Variants in BCKDHB observed in about 807,000 individuals in gnomAD.
BCKDHB encodes the protein branched chain keto acid dehydrogenase E1 subunit beta.
In BCKDHB, 41 loss-of-function variants were observed where a neutral mutation model predicts 48.5. The observed-to-expected ratio is 0.85, with a 90% CI of 0.66 to 1.10. The LOEUF (loss-of-function observed/expected upper bound fraction) is 1.10, where lower values mean the gene tolerates loss of function less well. Ranked by LOEUF, BCKDHB falls within the 50% of genes least tolerant of loss-of-function variation. BCKDHB has a pLI of 0.00. For missense variants in BCKDHB, 496 were observed against 494.2 expected, an observed-to-expected ratio of 1.00 and a Z score of -0.03; for synonymous variants, 201 against 174.8, an observed-to-expected ratio of 1.15 and a Z score of -1.18.
the BCKDHB span, chr6:80,356,073 A>G: frequency 6.6e-6 from 1 of 152,178 alleles, no homozygotes; most frequent in Non-Finnish European, 1.5e-5. Flanking sequence ...GAATTAACTG[A>G]CCGATTGTTG....
chr6:80,411,993 A>G, the BCKDHB span, among the ~76,000 whole-genome samples: 31 of 152,314 alleles, frequency 2.0e-4, no homozygotes, highest in African/African-American at 7.5e-4. Flanking sequence ...AGTGAGATGA[A>G]CAAGGTACCT....
rs565076909 is a variant in BCKDHB at position 80,275,309 on chromosome 6, C to T, written c.1038+2088C>T. Among the ~76,000 whole-genome samples the T allele has an allele frequency of 3.3e-4, 50 of 152,168 alleles. 1 individual carries two copies. The highest frequency in any genetic ancestry group is 1.1e-3 in the African/African-American group (46 of 41,568). On this transcript the variant is annotated intron_variant, in intron 9 of 9. Coordinates refer to ENST00000320393, the MANE Select transcript of BCKDHB (RefSeq NM_183050.4). Reference sequence around the variant, plus strand: ...TAAATGTAAAGTGTGTGCACATGCACTCTTAATTCAAAATCCCCTGCCTTC... The same window carrying T: ...TAAATGTAAAGTGTGTGCACATGCATTCTTAATTCAAAATCCCCTGCCTTC...
downstream of BCKDHB, among the ~76,000 whole-genome samples, chr6:80,349,845 C>T (rs1770345417): frequency 6.6e-6 from 1 of 152,022 alleles, no homozygotes. Context: ...TATCACTTTA[C>T]TTGCAATTTG....
the BCKDHB span, among the ~76,000 whole-genome samples, chr6:80,407,726 G>T: frequency 6.6e-6 from 1 of 152,304 alleles, no homozygotes; most frequent in East Asian, 1.9e-4. Flanking sequence ...CTTTGCTGAA[G>T]TTGCTTATCA....
intron 8 of BCKDHB, among the ~76,000 whole-genome samples, chr6:80,206,647 A>G (rs1774678549): frequency 6.6e-6 from 1 of 151,972 alleles, no homozygotes; most frequent in Non-Finnish European, 1.5e-5. Flanking sequence ...CTCAATGAAT[A>G]GGCTTATAAC....
chr6:80,257,230 C>G (rs1177245880), intron 8 of BCKDHB, among the ~76,000 whole-genome samples: 1 of 151,992 alleles, frequency 6.6e-6, no homozygotes, highest in African/African-American at 2.4e-5. Context: ...TGGGCTGATT[C>G]ACCACTTTTG....
chr6:80,300,102 A>T (rs1767502568), intron 9 of BCKDHB, among the ~76,000 whole-genome samples: 1 of 151,430 alleles, frequency 6.6e-6, no homozygotes, highest in Non-Finnish European at 1.5e-5. Flanking sequence ...CCCAGACTGG[A>T]GCGTAGCGCT....
At chr6:80,264,411 AT>A (rs1777429712) in intron 8 of BCKDHB, among the ~76,000 whole-genome samples, 2 of 152,154 alleles carry the variant, frequency 1.3e-5, no homozygotes. Flanking sequence ...CTTATTTGGC[AT>A]TATTTATCTC....
At chr6:80,230,796 A>G (rs530392544) in intron 8 of BCKDHB, among the ~76,000 whole-genome samples, 1 of 152,308 alleles carries the variant, frequency 6.6e-6, no homozygotes, top group Admixed American at 6.5e-5. Context: ...GAAGGGGGCC[A>G]AATTCCTCCT....
the BCKDHB span, among the ~76,000 whole-genome samples, chr6:80,405,490 A>G: frequency 1.3e-5 from 2 of 152,116 alleles, no homozygotes; most frequent in Non-Finnish European, 2.9e-5. Flanking sequence ...TTCGGTCGCT[A>G]TGCCTTTTGA....
At chr6:80,215,266 G>A (rs903290520) in intron 8 of BCKDHB, among the ~76,000 whole-genome samples, 2 of 152,180 alleles carry the variant, frequency 1.3e-5, no homozygotes, top group African/African-American at 4.8e-5. Flanking sequence ...AAAACAGGAT[G>A]GCTGACAATT....
intron 1 of BCKDHB, among the ~76,000 whole-genome samples, chr6:80,126,024 C>A (rs959060044): frequency 7.2e-5 from 11 of 152,088 alleles, no homozygotes; most frequent in African/African-American, 2.4e-4. Context: ...AGTGTTATAG[C>A]CCTAGCCTGA....
intron 6 of BCKDHB, among the ~76,000 whole-genome samples, chr6:80,178,845 A>G (rs1773285453): frequency 6.6e-6 from 1 of 152,200 alleles, no homozygotes; most frequent in African/African-American, 2.4e-5. Flanking sequence ...TTTAAGTTTT[A>G]AACCAAGACA....
intron 9 of BCKDHB, among the ~76,000 whole-genome samples, chr6:80,283,914 A>G (rs1582501256): frequency 6.6e-6 from 1 of 152,124 alleles, no homozygotes; most frequent in East Asian, 1.9e-4. Flanking sequence ...GCCACCTTGT[A>G]CAACATTTTA....
chr6:80,421,803 C>T, the BCKDHB span, among the ~76,000 whole-genome samples: 572 of 152,124 alleles, frequency 3.8e-3, 7 homozygotes, highest in African/African-American at 0.012. Context: ...TGGCTGATTC[C>T]AAAAGTGTTT....
chr6:80,308,150 T>C (rs868193973), intron 9 of BCKDHB, among the ~76,000 whole-genome samples: 9 of 152,110 alleles, frequency 5.9e-5, no homozygotes, highest in African/African-American at 2.2e-4. Context: ...CTATTTTTTT[T>C]CATTTCCCCC....
the BCKDHB span, among the ~76,000 whole-genome samples, chr6:80,461,989 A>C: frequency 6.6e-6 from 1 of 151,972 alleles, no homozygotes; most frequent in Admixed American, 6.6e-5. Context: ...TTTTTTTTCA[A>C]ATGTATAAAG....
At chr6:80,198,742 A>G (rs78839191) in intron 6 of BCKDHB, among the ~76,000 whole-genome samples, 5,395 of 152,326 alleles carry the variant, frequency 0.035, 309 homozygotes, top group African/African-American at 0.12. Context: ...AATATTATAT[A>G]TGCGTACACT....
the BCKDHB span, among the ~76,000 whole-genome samples, chr6:80,438,279 T>G: frequency 2.0e-5 from 3 of 152,250 alleles, no homozygotes; most frequent in Non-Finnish European, 4.4e-5. Flanking sequence ...TATTTTCTCA[T>G]ATCAGAACAT....
Sources: allele counts gnomAD v4.1 joint callset (sites outside exome capture counted in the v4.1 genomes callset), GRCh38; gene constraint gnomAD v4.1.1; transcripts MANE v1.5; gene names NCBI Gene and HGNC (gene_info 2026-07-23, HGNC 2026-07-21).